The following PCDH15 variants were observed in gnomAD, a reference collection of about 807,000 sequenced individuals.
The protein encoded by PCDH15 is protocadherin related 15.
PCDH15 carries 129 observed loss-of-function variants against 178.5 expected under a neutral mutation model. The ratio of observed to expected loss-of-function variants is 0.72; its 90% CI spans 0.63 to 0.84. The LOEUF is 0.84. PCDH15 is among the 40% of genes least tolerant of loss of function. The pLI is 0.00. For missense variants in PCDH15, 2,230 were observed against 2,099.9 expected (o/e 1.06, Z -1.21); for synonymous variants, 800 against 732.0 (o/e 1.09, Z -1.50).
In PCDH15 at chr10:55,256,619, G is replaced by A. The variant is rs565190819; in HGVS notation, c.-156+62980C>T. On this transcript the variant is annotated intron_variant, in intron 1 of 5. Transcript: ENST00000458638. ...GAGGGTCCCATGCCCATGAAGCCTC[G>A]CTCATTGCTAGCACAGCAGTCTGAG... Among the ~76,000 whole-genome samples, 594 of 152,284 alleles carry A rather than the reference G, an allele frequency of 3.9e-3. 3 individuals carry two copies. The highest frequency in any genetic ancestry group is 0.024 in the Middle Eastern group (7 of 294).
At chr10:54,766,580 A>T (rs749890149) in intron 1 of PCDH15, among the ~76,000 whole-genome samples, 26 of 151,954 alleles carry the variant, frequency 1.7e-4, no homozygotes, top group Non-Finnish European at 3.1e-4. Context: ...TAAATGTATC[A>T]CATAGTGATA....
intron 2 of PCDH15, among the ~76,000 whole-genome samples, chr10:54,618,607 T>C (rs2093256162): frequency 1.3e-5 from 2 of 152,260 alleles, no homozygotes; most frequent in South Asian, 2.1e-4. Flanking sequence ...TAGTAATCTC[T>C]GTATGTAAAT....
At chr10:55,434,194 C>T (rs1228809427) in intron 2 of PCDH15, among the ~76,000 whole-genome samples, 1 of 147,766 alleles carries the variant, frequency 6.8e-6, no homozygotes, top group Non-Finnish European at 1.5e-5. Context: ...CATTCTCCTG[C>T]CTCAGCCTCC....
chr10:55,098,235 C>A (rs1842489281), intron 2 of PCDH15, among the ~76,000 whole-genome samples: 1 of 152,114 alleles, frequency 6.6e-6, no homozygotes, highest in African/African-American at 2.4e-5. Flanking sequence ...GAAATTAAGA[C>A]ACAGAAAGTT....
At chr10:55,596,218 A>C (rs1167968983) in intron 2 of PCDH15, among the ~76,000 whole-genome samples, 3 of 152,084 alleles carry the variant, frequency 2.0e-5, no homozygotes, top group Non-Finnish European at 4.4e-5. Context: ...ATAATGTAAC[A>C]CTTTATTGGC....
rs1242794363 is a variant in PCDH15 at position 54,167,867 on chromosome 10, G to A, written c.1591-14574C>T. Among the ~76,000 whole-genome samples the A allele has an allele frequency of 1.0e-4, 8 of 78,168 alleles. 1 individual carries two copies. The highest frequency in any genetic ancestry group is 2.6e-4 in the African/African-American group (5 of 19,056). 51.3% of individuals were successfully genotyped at this position (78,168 alleles called of 152,430 possible). A position where few individuals can be genotyped will look rare whatever the true frequency, so the allele number is the denominator to read the frequency against. On this transcript the variant is annotated intron_variant, in intron 13 of 37. Transcript: ENST00000644397. Reference sequence around the variant, plus strand: ...CCGTGCCCCGACCCCTTATTTCTGTGCCCCATCCCTTATTTCTGTGCCCCG... The same window carrying A: ...CCGTGCCCCGACCCCTTATTTCTGTACCCCATCCCTTATTTCTGTGCCCCG...
chr10:54,562,360 A>G (rs2088303122), intron 2 of PCDH15, among the ~76,000 whole-genome samples: 1 of 152,150 alleles, frequency 6.6e-6, no homozygotes, highest in Admixed American at 6.6e-5. Context: ...AAGGTTGGTA[A>G]GAAATCACTG....
chr10:54,686,552 A>C (rs1265570916), intron 1 of PCDH15, among the ~76,000 whole-genome samples: 1 of 152,028 alleles, frequency 6.6e-6, no homozygotes, highest in South Asian at 2.1e-4. Flanking sequence ...TGAGTCTTAC[A>C]TTTACGTCAA....
At chr10:54,060,612 A>T (rs1021253500) in intron 18 of PCDH15, among the ~76,000 whole-genome samples, 1 of 152,194 alleles carries the variant, frequency 6.6e-6, no homozygotes, top group Non-Finnish European at 1.5e-5. Flanking sequence ...CGATAGCGAA[A>T]TCCAGTCCCA....
intron 2 of PCDH15, among the ~76,000 whole-genome samples, chr10:54,968,320 T>A (rs1222295303): frequency 6.6e-6 from 1 of 152,200 alleles, no homozygotes; most frequent in African/African-American, 2.4e-5. Flanking sequence ...TTCTAACAGA[T>A]GTTGTTTCAT....
At chr10:54,880,250 G>A (rs1954237724) in intron 3 of PCDH15, among the ~76,000 whole-genome samples, 1 of 152,100 alleles carries the variant, frequency 6.6e-6, no homozygotes, top group Admixed American at 6.6e-5. Context: ...AAACTCCTAT[G>A]GAGATGAGAG....
At chr10:54,201,513 A>G (rs1247293046) in intron 10 of PCDH15, among the ~76,000 whole-genome samples, 1 of 152,088 alleles carries the variant, frequency 6.6e-6, no homozygotes, top group East Asian at 1.9e-4. Flanking sequence ...AATTAGTCTG[A>G]ATCTCATTTT....
At chr10:55,140,739 T>G (rs1838329963) in intron 2 of PCDH15, among the ~76,000 whole-genome samples, 1 of 151,962 alleles carries the variant, frequency 6.6e-6, no homozygotes, top group South Asian at 2.1e-4. Flanking sequence ...CCTGGAGATT[T>G]CTTGTGGGGG....
Position 54,185,124 on chromosome 10 carries a change from A to G in PCDH15, c.1440+10T>C. On this transcript the variant is annotated intron_variant, in intron 12 of 37. Transcript: ENST00000644397. ...ACATACATATGTATATTTACACAAA[A>G]GCTCTTTACCGAAAAGGTGTAAGTT... The G allele has an allele frequency of 6.2e-7, 1 of 1,612,982 alleles. No homozygotes were observed. Among genetic ancestry groups the G allele is most frequent in the Non-Finnish European group, 8.5e-7 (1 of 1,179,168 alleles).
Position 55,408,227 on chromosome 10 carries a change from T to A in PCDH15, c.-156+219398A>T, listed in dbSNP as rs561410055. 6.6e-5 allele frequency among the ~76,000 whole-genome samples: 10 copies of A among 151,306 alleles called. No individual in the cohort carries two copies. The East Asian group carries it at 1.6e-3, about 24-fold the overall frequency. ...TTTGAGATGGAATCTCACTTGTCAC[T>A]GAGGCTGGAGTGCAGTGGTGCGATC... On this transcript the variant is annotated intron_variant, in intron 2 of 5. Transcript: ENST00000613346.
At chr10:54,107,563 G>A (rs1176778251) in intron 15 of PCDH15, among the ~76,000 whole-genome samples, 2 of 152,188 alleles carry the variant, frequency 1.3e-5, no homozygotes, top group Non-Finnish European at 2.9e-5. Context: ...ATGTTTGGAA[G>A]ATGAAATGTT....
At chr10:54,038,991 C>T (rs1484498191) in intron 18 of PCDH15, among the ~76,000 whole-genome samples, 1 of 151,844 alleles carries the variant, frequency 6.6e-6, no homozygotes, top group Admixed American at 6.6e-5. Flanking sequence ...TGCCCAGAGA[C>T]GTAACTCATA....
intron 1 of PCDH15, among the ~76,000 whole-genome samples, chr10:55,178,038 C>A (rs1418710616): frequency 6.6e-6 from 1 of 152,158 alleles, no homozygotes; most frequent in African/African-American, 2.4e-5. Context: ...TACAATTATA[C>A]TGATTCTAAG....
At chr10:54,465,605 G>T (rs1331644538) in intron 3 of PCDH15, among the ~76,000 whole-genome samples, 2 of 151,864 alleles carry the variant, frequency 1.3e-5, no homozygotes, top group Non-Finnish European at 2.9e-5. Context: ...GTTTTTCATT[G>T]TGTGCCAATA....
Sources: gnomAD v4.1 joint callset for allele counts (sites outside exome capture counted in the v4.1 genomes callset) on GRCh38, gnomAD v4.1.1 for gene constraint, MANE v1.5 for transcripts, NCBI Gene and HGNC (gene_info 2026-07-23, HGNC 2026-07-21) for gene names.